Variants in SPOCK1 observed in about 807,000 individuals in gnomAD.
The protein encoded by SPOCK1 is SPARC (osteonectin), cwcv and kazal like domains proteoglycan 1, also known as testican-1.
SPOCK1 carries 23 observed loss-of-function variants against 55.3 expected under a neutral mutation model. That is an observed-to-expected ratio of 0.42 (90% confidence interval 0.30 to 0.59). SPOCK1 has a LOEUF of 0.59. Ranked by LOEUF, SPOCK1 falls within the 20% of genes least tolerant of loss-of-function variation. SPOCK1 has a pLI of 0.22. For missense variants in SPOCK1, 499 were observed against 552.5 expected (o/e 0.90, Z 0.97); for synonymous variants, 226 against 221.0 (o/e 1.02, Z -0.20).
chr5:137,322,747 C>T (rs1445810209), intron 2 of SPOCK1, among the ~76,000 whole-genome samples: 1 of 151,870 alleles, frequency 6.6e-6, no homozygotes. Flanking sequence ...GGAACAAAAA[C>T]ACTAAGAGAC....
At chr5:137,139,317 G>A (rs1754048052) in intron 4 of SPOCK1, among the ~76,000 whole-genome samples, 1 of 152,146 alleles carries the variant, frequency 6.6e-6, no homozygotes, top group Admixed American at 6.5e-5. Context: ...GGTGGGGGCT[G>A]CTCTAGATGC....
chr5:136,988,118 TTA>T lies in SPOCK1; in HGVS notation c.928+302_928+303del, dbSNP rs138190758. Among the ~76,000 whole-genome samples the T allele has an allele frequency of 1.6e-4, 24 of 152,328 alleles. 1 individual carries two copies. In the East Asian group the frequency reaches 4.6e-3, roughly 29 times the overall value. ...TTGAGAGCTCACAGTGACCTTTGGA[TTA>T]TGTCATGAAGGTTTCTATACCCATT... On this transcript the variant is annotated intron_variant, in intron 8 of 10. Transcript: ENST00000394945.
chr5:136,982,871 G>GTACCAGAA lies in SPOCK1; in HGVS notation c.991+2268_991+2269insTTCTGGTA, dbSNP rs200752622. ...TCTTAGATGGTTTCAGAGTACCAGA[G>GTACCAGAA]TACCTCTGTCATCACACTTGAATGA... On this transcript the variant is annotated intron_variant, in intron 9 of 10. Transcript: ENST00000394945. Among the ~76,000 whole-genome samples the GTACCAGAA allele has an allele frequency of 5.9e-3, 906 of 152,290 alleles. 9 individuals are homozygous for GTACCAGAA. Among genetic ancestry groups the GTACCAGAA allele is most frequent in the African/African-American group, 0.02 (813 of 41,562 alleles).
intron 9 of SPOCK1, among the ~76,000 whole-genome samples, chr5:136,981,635 ATTGTG>A (rs1750732138): frequency 6.6e-6 from 1 of 152,112 alleles, no homozygotes; most frequent in South Asian, 2.1e-4. Context: ...TTCTATTGGT[ATTGTG>A]TTGTGGCCGG....
chr5:137,012,288 T>C (rs142171109), intron 6 of SPOCK1, among the ~76,000 whole-genome samples: 9 of 152,278 alleles, frequency 5.9e-5, no homozygotes, highest in African/African-American at 2.2e-4. Context: ...TCTGTCCTGT[T>C]GTATCCTGCA....
At chr5:137,314,344 C>T (rs1757840076) in intron 2 of SPOCK1, among the ~76,000 whole-genome samples, 1 of 152,158 alleles carries the variant, frequency 6.6e-6, no homozygotes, top group South Asian at 2.1e-4. Flanking sequence ...GCCTCACAAA[C>T]GCTACCATCT....
intron 2 of SPOCK1, among the ~76,000 whole-genome samples, chr5:137,387,314 T>C (rs1465437808): frequency 1.3e-5 from 2 of 152,162 alleles, no homozygotes; most frequent in Non-Finnish European, 1.5e-5. Context: ...TCCAAAGGAA[T>C]TGAAAATGTA....
chr5:137,236,994 C>T (rs1383528563), intron 3 of SPOCK1, among the ~76,000 whole-genome samples: 4 of 152,156 alleles, frequency 2.6e-5, no homozygotes, highest in South Asian at 2.1e-4. Flanking sequence ...GGCCTGTTAT[C>T]GAAAACCACT....
intron 3 of SPOCK1, among the ~76,000 whole-genome samples, chr5:137,220,301 G>A (rs945814726): frequency 2.0e-5 from 3 of 152,158 alleles, no homozygotes; most frequent in African/African-American, 7.2e-5. Context: ...TCATTTTGGG[G>A]GGCATGTACA....
In SPOCK1 at chr5:137,334,027, G is replaced by A. The variant is rs138980616; in HGVS notation, c.187-66972C>T. On this transcript the variant is annotated intron_variant, in intron 2 of 10. Coordinates refer to ENST00000394945, the MANE Select transcript of SPOCK1 (RefSeq NM_004598.4). ...GACAAGGGAGTTTAAAGGGTGCCCC[G>A]TCAGATCCCCATGGAGTCCTATTCT... 2.7e-3 allele frequency among the ~76,000 whole-genome samples: 411 copies of A among 152,258 alleles called. 4 individuals are homozygous for A. The highest frequency in any genetic ancestry group is 9.1e-3 in the African/African-American group (378 of 41,546).
chr5:137,102,880 T>A (rs1356305635), intron 5 of SPOCK1, among the ~76,000 whole-genome samples: 2 of 152,224 alleles, frequency 1.3e-5, no homozygotes. Context: ...GTGCTTAATA[T>A]GCTCAATAAT....
chr5:137,339,220 C>T (rs1435219163), intron 2 of SPOCK1, among the ~76,000 whole-genome samples: 1 of 152,196 alleles, frequency 6.6e-6, no homozygotes, highest in East Asian at 1.9e-4. Flanking sequence ...ACCAGCTGTC[C>T]CCTACATTTA....
chr5:137,339,493 GCA>G (rs1431585926), intron 2 of SPOCK1, among the ~76,000 whole-genome samples: 1 of 152,210 alleles, frequency 6.6e-6, no homozygotes, highest in Non-Finnish European at 1.5e-5. Context: ...CAGACCTAAT[GCA>G]CAGAGAACAG....
chr5:137,448,256 A>T (rs10214086), intron 2 of SPOCK1, among the ~76,000 whole-genome samples: 41,895 of 151,818 alleles, frequency 0.28, 6,040 homozygotes, highest in Admixed American at 0.36. Flanking sequence ...CTCAAAAAAA[A>T]TTTTTTTAAT....
At chr5:137,138,933 C>G (rs1440404660) in intron 4 of SPOCK1, among the ~76,000 whole-genome samples, 2 of 152,162 alleles carry the variant, frequency 1.3e-5, no homozygotes, top group African/African-American at 2.4e-5. Context: ...GCAGACAATC[C>G]TGGGTTTGAA....
chr5:137,229,112 A>G (rs1160081318), intron 3 of SPOCK1, among the ~76,000 whole-genome samples: 3 of 152,220 alleles, frequency 2.0e-5, no homozygotes, highest in Non-Finnish European at 4.4e-5. Context: ...TAGACATACA[A>G]TGGGAATCTT....
rs561092766 is a variant in SPOCK1, at chr5:137,270,466, T to C, written c.187-3411A>G. Among the ~76,000 whole-genome samples the C allele has an allele frequency of 2.6e-5, 4 of 152,322 alleles. No homozygotes were observed. In the South Asian group the frequency reaches 6.2e-4, roughly 24 times the overall value. On this transcript the variant is annotated intron_variant, in intron 2 of 10. Coordinates refer to ENST00000394945, the MANE Select transcript of SPOCK1 (RefSeq NM_004598.4). ...ATTTTATGGGTTACACTGAAGAATA[T>C]AATTATGTCAGGCATCTTCTGGACA...
At chr5:137,082,874 C>A (rs1033963533) in intron 5 of SPOCK1, among the ~76,000 whole-genome samples, 2 of 152,202 alleles carry the variant, frequency 1.3e-5, no homozygotes, top group Admixed American at 1.3e-4. Context: ...TCCTCCCCCT[C>A]CTACTAAGTT....
At chr5:137,431,226 A>G (rs528074405) in intron 2 of SPOCK1, among the ~76,000 whole-genome samples, 30 of 152,216 alleles carry the variant, frequency 2.0e-4, no homozygotes, top group Non-Finnish European at 3.7e-4. Context: ...AAATCAGTGT[A>G]GGAGAGGTTT....
Sources: gnomAD v4.1 joint callset for allele counts (sites outside exome capture counted in the v4.1 genomes callset) on GRCh38, gnomAD v4.1.1 for gene constraint, MANE v1.5 for transcripts, NCBI Gene and HGNC (gene_info 2026-07-23, HGNC 2026-07-21) for gene names.